PCDHA11: variants seen among roughly 807,000 people sequenced by gnomAD.
PCDHA11 encodes protocadherin alpha 11.
PCDHA11 carries 61 observed loss-of-function variants against 70.3 expected under a neutral mutation model. The ratio of observed to expected loss-of-function variants is 0.87; its 90% CI spans 0.71 to 1.07. The LOEUF (loss-of-function observed/expected upper bound fraction) is 1.07, where lower values mean the gene tolerates loss of function less well. Ranked by LOEUF, PCDHA11 falls within the 50% of genes least tolerant of loss-of-function variation. The pLI is 0.00. For missense variants in PCDHA11, 1,324 were observed against 1,237.5 expected (o/e 1.07, Z -1.05); for synonymous variants, 633 against 555.1 (o/e 1.14, Z -1.97).
At chr5:140,966,248 G>C (rs2095985597) in intron 1 of PCDHA11, 2 of 322,664 alleles carry the variant, frequency 6.2e-6, no homozygotes, top group Non-Finnish European at 5.6e-6. Context: ...AAGCAGGGGA[G>C]AGACGGTGGA....
intron 3 of PCDHA11, 24 bp from the exon 4 acceptor site, chr5:141,009,603 G>A (rs1554262223): frequency 1.2e-6 from 2 of 1,608,568 alleles, no homozygotes; most frequent in African/African-American, 2.7e-5. Context: ...CCCTGTTAAT[G>A]ATTTGTAATG....
chr5:140,906,595 C>T (rs1341854347), intron 1 of PCDHA11, among the ~76,000 whole-genome samples: 1 of 152,218 alleles, frequency 6.6e-6, no homozygotes, highest in Non-Finnish European at 1.5e-5. Context: ...CCTTCCTCTA[C>T]TACTCATTCT....
intron 1 of PCDHA11, chr5:140,966,548 A>G (rs2096020413): frequency 2.1e-6 from 1 of 465,426 alleles, no homozygotes; most frequent in Admixed American, 4.3e-5. Flanking sequence ...CTCGGAGGCG[A>G]GCGGAGGAGC....
chr5:140,912,064 A>G (rs1388725837), intron 1 of PCDHA11, among the ~76,000 whole-genome samples: 10 of 152,216 alleles, frequency 6.6e-5, no homozygotes, highest in Non-Finnish European at 1.0e-4. Flanking sequence ...TTGGAGTCCA[A>G]TGTTCAAGGG....
At chr5:140,915,232 C>T (rs1554196813) in intron 1 of PCDHA11, among the ~76,000 whole-genome samples, 1 of 152,156 alleles carries the variant, frequency 6.6e-6, no homozygotes, top group Non-Finnish European at 1.5e-5. Flanking sequence ...CAGGCATGAG[C>T]CACCATGCCT....
chr5:140,988,658 T>C (rs1470835683), intron 3 of PCDHA11, among the ~76,000 whole-genome samples: 7 of 152,232 alleles, frequency 4.6e-5, no homozygotes, highest in African/African-American at 9.6e-5. Flanking sequence ...TTTTTGTTTA[T>C]GAATAGACTC....
intron 1 of PCDHA11, chr5:140,877,758 G>T (rs782480713): frequency 6.2e-7 from 1 of 1,614,190 alleles, no homozygotes; most frequent in East Asian, 2.2e-5. Flanking sequence ...GCTCTGCAGA[G>T]AGCCCGCCCA....
Position 140,929,116 on chromosome 5 carries a change from A to G in PCDHA11, c.2392-49833A>G, listed in dbSNP as rs535394812. The G allele has an allele frequency of 2.9e-5, 47 of 1,614,170 alleles. No homozygotes were observed. The East Asian group carries it at 8.9e-4, about 31-fold the overall frequency. Reference sequence around the variant, plus strand: ...AAATCCTTGCATGACATCAGCCACCATAGATGTCACTACAGTTGAGAGACT... The same window carrying G: ...AAATCCTTGCATGACATCAGCCACCGTAGATGTCACTACAGTTGAGAGACT... On this transcript the variant is annotated intron_variant, in intron 1 of 3. Coordinates refer to ENST00000398640, the MANE Select transcript of PCDHA11 (RefSeq NM_018902.5).
chr5:140,978,841 T>G, intron 1 of PCDHA11, 108 bp from the exon 2 acceptor site: 1 of 1,563,056 alleles, frequency 6.4e-7, no homozygotes, highest in Non-Finnish European at 8.7e-7. Context: ...ATTCAATACT[T>G]TTTTAGATGC....
At chr5:140,906,914 GC>G (rs2073038837) in intron 1 of PCDHA11, among the ~76,000 whole-genome samples, 1 of 152,182 alleles carries the variant, frequency 6.6e-6, no homozygotes, top group Admixed American at 6.5e-5. Context: ...GGTAGGAGGA[GC>G]CCAAAAAGTG....
chr5:140,937,130 C>T (rs899242411), intron 1 of PCDHA11, among the ~76,000 whole-genome samples: 12 of 151,674 alleles, frequency 7.9e-5, no homozygotes, highest in Non-Finnish European at 1.3e-4. Flanking sequence ...CTCCGCCTCC[C>T]GGGTTCATGC....
chr5:140,952,072 A>G (rs1433517410), intron 1 of PCDHA11, among the ~76,000 whole-genome samples: 1 of 152,112 alleles, frequency 6.6e-6, no homozygotes, highest in Non-Finnish European at 1.5e-5. Context: ...AATAATCTTC[A>G]TTGACTCCAT....
intron 1 of PCDHA11, among the ~76,000 whole-genome samples, chr5:140,911,305 T>C (rs1036239500): frequency 1.3e-5 from 2 of 152,186 alleles, no homozygotes; most frequent in Non-Finnish European, 2.9e-5. Context: ...CATATCCCCA[T>C]TCCAAGTTTC....
At chr5:140,964,658 G>T (rs2095846855) in intron 1 of PCDHA11, among the ~76,000 whole-genome samples, 1 of 151,968 alleles carries the variant, frequency 6.6e-6, no homozygotes, top group Admixed American at 6.6e-5. Context: ...AATGGGTGAG[G>T]ACACAGGCCA....
chr5:140,876,875 A>G, intron 1 of PCDHA11: 1 of 1,613,762 alleles, frequency 6.2e-7, no homozygotes, highest in Admixed American at 1.7e-5. Flanking sequence ...AAGGAGAACA[A>G]CCCGCCGGGC....
At chr5:140,877,942 C>G (rs1274042326) in intron 1 of PCDHA11, 1 of 1,367,756 alleles carries the variant, frequency 7.3e-7, no homozygotes, top group African/African-American at 1.5e-5. Context: ...ATCCTTTAAA[C>G]TATCGAATGT....
intron 3 of PCDHA11, among the ~76,000 whole-genome samples, chr5:141,007,029 T>C (rs2098299696): frequency 6.6e-6 from 1 of 152,154 alleles, no homozygotes; most frequent in Non-Finnish European, 1.5e-5. Context: ...ATATGGTATT[T>C]ATATCTATGG....
intron 1 of PCDHA11, among the ~76,000 whole-genome samples, chr5:140,953,252 T>C (rs557973424): frequency 3.3e-5 from 5 of 152,318 alleles, no homozygotes; most frequent in Admixed American, 1.3e-4. Context: ...TTCAGTTTAG[T>C]TCTTTTAGCT....
At chr5:140,966,962 G>T (rs370831122) in intron 1 of PCDHA11, 4 of 1,602,632 alleles carry the variant, frequency 2.5e-6, no homozygotes, top group Non-Finnish European at 3.4e-6. Context: ...TCGCGCGCTG[G>T]GGCTTGAGCT....
Sources: allele counts gnomAD v4.1 joint callset (sites outside exome capture counted in the v4.1 genomes callset), GRCh38; gene constraint gnomAD v4.1.1; transcripts MANE v1.5; gene names NCBI Gene and HGNC (gene_info 2026-07-23, HGNC 2026-07-21).